Variants in PLCB1 observed in about 807,000 individuals in gnomAD.
The protein encoded by PLCB1 is 1-phosphatidylinositol 4,5-bisphosphate phosphodiesterase beta-1.
Under a neutral mutation model 161.8 loss-of-function variants are expected in PLCB1, and 46 were observed. That is an observed-to-expected ratio of 0.28 (90% CI 0.22 to 0.36). PLCB1 has a LOEUF of 0.36. PLCB1 is among the 10% of genes least tolerant of loss of function. The probability of loss-of-function intolerance (pLI) is 1.00; values close to 1 mark genes in which losing one functional copy is unlikely to be tolerated. For missense variants in PLCB1, 1,016 were observed against 1,472.5 expected (o/e 0.69, Z 5.07); for synonymous variants, 517 against 503.7 (o/e 1.03, Z -0.35).
intron 20 of PLCB1, among the ~76,000 whole-genome samples, chr20:8,738,803 A>G (rs975635147): frequency 6.6e-6 from 1 of 152,196 alleles, no homozygotes; most frequent in Non-Finnish European, 1.5e-5. Context: ...TTATAGGGCA[A>G]CATCTCAACT....
At chr20:8,233,911 G>T (rs1295873032) in intron 2 of PLCB1, among the ~76,000 whole-genome samples, 3 of 152,184 alleles carry the variant, frequency 2.0e-5, no homozygotes, top group African/African-American at 7.2e-5. Context: ...TGTTGCATGC[G>T]ATTGTAATCC....
At chr20:8,431,453 A>C (rs1477641509) in intron 3 of PLCB1, among the ~76,000 whole-genome samples, 1 of 152,204 alleles carries the variant, frequency 6.6e-6, no homozygotes, top group East Asian at 1.9e-4. Flanking sequence ...AAATGTATCA[A>C]ATGTTTGACT....
At chr20:8,418,950 A>G (rs1979420793) in intron 3 of PLCB1, among the ~76,000 whole-genome samples, 1 of 152,144 alleles carries the variant, frequency 6.6e-6, no homozygotes, top group East Asian at 1.9e-4. Context: ...GTCCCAAGAG[A>G]ACCATTTTTA....
intron 1 of PLCB1, among the ~76,000 whole-genome samples, chr20:8,136,341 T>G (rs2051346671): frequency 1.3e-5 from 2 of 152,134 alleles, no homozygotes; most frequent in African/African-American, 4.8e-5. Context: ...TAAAAGTTAT[T>G]GTCGGCCGGG....
intron 2 of PLCB1, among the ~76,000 whole-genome samples, chr20:8,284,796 T>C (rs1983036759): frequency 6.6e-6 from 1 of 152,104 alleles, no homozygotes. Flanking sequence ...CTTATTTCTC[T>C]TGGGTCTGCT....
chr20:8,878,683 C>A (rs528145902), intron 31 of PLCB1, among the ~76,000 whole-genome samples: 2 of 152,128 alleles, frequency 1.3e-5, no homozygotes, highest in East Asian at 1.9e-4. Context: ...TCAGCCTAAG[C>A]CATTTTTACC....
chr20:8,753,720 T>C (rs1230541106), intron 23 of PLCB1, among the ~76,000 whole-genome samples: 2 of 152,210 alleles, frequency 1.3e-5, no homozygotes, highest in African/African-American at 4.8e-5. Flanking sequence ...AGATGTGCTC[T>C]GTTTGTCTTT....
At chr20:8,862,650 A>G (rs2146314967) in intron 31 of PLCB1, among the ~76,000 whole-genome samples, 1 of 152,320 alleles carries the variant, frequency 6.6e-6, no homozygotes, top group Middle Eastern at 3.4e-3. Flanking sequence ...GTAATTTATG[A>G]TAGATCTCCA....
At chr20:8,817,236 A>T (rs995525336) in intron 31 of PLCB1, among the ~76,000 whole-genome samples, 1 of 152,228 alleles carries the variant, frequency 6.6e-6, no homozygotes, top group Non-Finnish European at 1.5e-5. Context: ...ATGGGAAAAA[A>T]GTAGAGAACG....
At chr20:8,508,250 G>A (rs1399781719) in intron 3 of PLCB1, among the ~76,000 whole-genome samples, 1 of 152,194 alleles carries the variant, frequency 6.6e-6, no homozygotes, top group Non-Finnish European at 1.5e-5. Flanking sequence ...CAGGGTTTTA[G>A]TATGCTAAGG....
At chr20:8,294,038 T>C (rs1411054012) in intron 2 of PLCB1, among the ~76,000 whole-genome samples, 1 of 152,186 alleles carries the variant, frequency 6.6e-6, no homozygotes, top group Non-Finnish European at 1.5e-5. Context: ...CACTGTGTGC[T>C]GGAAATGAGA....
chr20:8,527,880 A>C (rs981080000), intron 3 of PLCB1, among the ~76,000 whole-genome samples: 9 of 152,152 alleles, frequency 5.9e-5, no homozygotes, highest in Admixed American at 2.0e-4. Context: ...AGTGCTCAGT[A>C]ATCCCACCCC....
At chr20:8,159,900 A>C (rs1471613572) in intron 2 of PLCB1, among the ~76,000 whole-genome samples, 1 of 149,746 alleles carries the variant, frequency 6.7e-6, no homozygotes, top group Non-Finnish European at 1.5e-5. Flanking sequence ...AGGCAGGTGA[A>C]TCACTTGAAC....
chr20:8,781,397 AACACACACACACACACACAAACAC>A lies in PLCB1; in HGVS notation c.3111+6698_3111+6721del, dbSNP rs1488669082. On this transcript the variant is annotated intron_variant, in intron 27 of 31. Coordinates refer to ENST00000338037, the MANE Select transcript of PLCB1 (RefSeq NM_015192.4). The stretch of plus-strand genomic sequence containing the variant: ...TACCCCAGTGGGATTCACACACACA[AACACACACACACACACACAAACAC>A]ACACACACACACACACACACACACA... Among the ~76,000 whole-genome samples, 436 of 149,632 alleles carry A rather than the reference AACACACACACACACACACAAACAC, an allele frequency of 2.9e-3. 3 individuals carry two copies. Among genetic ancestry groups the A allele is most frequent in the African/African-American group, 9.3e-3 (375 of 40,178 alleles).
intron 2 of PLCB1, among the ~76,000 whole-genome samples, chr20:8,359,190 C>T (rs1330739402): frequency 6.6e-6 from 1 of 152,002 alleles, no homozygotes; most frequent in Non-Finnish European, 1.5e-5. Flanking sequence ...GGTAGTAATA[C>T]TAAATTAATA....
At chr20:8,219,724 G>T (rs1458055274) in intron 2 of PLCB1, among the ~76,000 whole-genome samples, 2 of 152,062 alleles carry the variant, frequency 1.3e-5, no homozygotes, top group Admixed American at 6.6e-5. Flanking sequence ...AGTTAAGTTC[G>T]CTTGCTCACA....
intron 31 of PLCB1, among the ~76,000 whole-genome samples, chr20:8,838,884 T>A (rs1435586036): frequency 6.6e-6 from 1 of 152,238 alleles, no homozygotes; most frequent in Non-Finnish European, 1.5e-5. Flanking sequence ...ATGCAGTTAT[T>A]GATCTGGCAA....
chr20:8,863,349 G>T (rs1987318452), intron 31 of PLCB1, among the ~76,000 whole-genome samples: 1 of 152,028 alleles, frequency 6.6e-6, no homozygotes, highest in African/African-American at 2.4e-5. Flanking sequence ...TACTTTTTTG[G>T]CAAGACTTAG....
At chr20:8,539,674 TTC>T (rs1568499520) in intron 3 of PLCB1, among the ~76,000 whole-genome samples, 5 of 97,936 alleles carry the variant, frequency 5.1e-5, no homozygotes, top group African/African-American at 1.2e-4. Flanking sequence ...CTTTCTTTCT[TTC>T]TTTCTTTCTT....
Sources: allele counts gnomAD v4.1 joint callset (sites outside exome capture counted in the v4.1 genomes callset), GRCh38; gene constraint gnomAD v4.1.1; transcripts MANE v1.5; gene names NCBI Gene and HGNC (gene_info 2026-07-23, HGNC 2026-07-21).